The following PHYH variants were observed in gnomAD, a reference collection of about 807,000 sequenced individuals.
PHYH encodes phytanoyl-CoA dioxygenase, peroxisomal.
Under a neutral mutation model 38.5 loss-of-function variants are expected in PHYH, and 32 were observed. That is an observed-to-expected ratio of 0.83 (90% CI 0.63 to 1.12). The LOEUF (loss-of-function observed/expected upper bound fraction) is 1.12. Ranked by LOEUF, PHYH falls within the 50% of genes most tolerant of loss-of-function variation. The pLI is 0.00. For missense variants in PHYH, 426 were observed against 434.8 expected (o/e 0.98, Z 0.18); for synonymous variants, 166 against 157.9 (o/e 1.05, Z -0.38).
chr10:13,292,728 T>C (rs1335894451), intron 4 of PHYH, among the ~76,000 whole-genome samples: 2 of 151,506 alleles, frequency 1.3e-5, no homozygotes, highest in African/African-American at 4.8e-5. Flanking sequence ...AGGTCAGGAG[T>C]TCAAAACCAG....
At chr10:13,299,705 C>A in intron 1 of PHYH, 1 of 1,287,008 alleles carries the variant, frequency 7.8e-7, no homozygotes, top group Non-Finnish European at 9.8e-7. Flanking sequence ...GGAGCAGAGG[C>A]CCCCAGGGAT....
At chr10:13,298,035 C>T (rs376306498) in intron 2 of PHYH, 152 bp downstream of exon 2, 8 of 555,582 alleles carry the variant, frequency 1.4e-5, no homozygotes, top group Admixed American at 3.2e-5. Flanking sequence ...CAAAATTTTC[C>T]ACAAGTGCAC....
chr10:13,288,695 A>C (rs1564424382), intron 5 of PHYH, among the ~76,000 whole-genome samples, 154 bp from the exon 6 acceptor site: 1 of 152,024 alleles, frequency 6.6e-6, no homozygotes, highest in Non-Finnish European at 1.5e-5. Flanking sequence ...CCATCCCGGG[A>C]AACACAGTGA....
At chr10:13,287,428 A>T in intron 6 of PHYH, among the ~76,000 whole-genome samples, 1 of 152,176 alleles carries the variant, frequency 6.6e-6, no homozygotes, top group African/African-American at 2.4e-5. Context: ...CTTCCCCCAA[A>T]TAAACTGCAG....
chr10:13,288,175 A>G (rs1167711953), intron 6 of PHYH, among the ~76,000 whole-genome samples, 185 bp downstream of exon 6: 1 of 152,186 alleles, frequency 6.6e-6, no homozygotes, highest in East Asian at 1.9e-4. Flanking sequence ...AAGTGTTGAA[A>G]ATAGGTGTGA....
intron 7 of PHYH, among the ~76,000 whole-genome samples, chr10:13,282,575 G>C (rs1484211615): frequency 1.6e-5 from 2 of 128,500 alleles, no homozygotes; most frequent in Non-Finnish European, 3.1e-5. Context: ...CTGGGCAACA[G>C]AGTGAGACTC....
intron 3 of PHYH, 200 bp from the exon 4 acceptor site, chr10:13,294,796 AGTTTAGCATACCAGTAGG>A (rs1835802245): frequency 3.3e-6 from 2 of 597,922 alleles, no homozygotes; most frequent in Non-Finnish European, 6.0e-6. Context: ...ATTATTCCCT[AGTTTAGCATACCAGTAGG>A]GAAGTCTTTT....
Position 13,294,277 on chromosome 10 carries a change from G to A in PHYH, c.414+151C>T, listed in dbSNP as rs1835783111. The A allele has an allele frequency of 5.6e-6, 4 of 708,488 alleles. No individual in the cohort carries two copies. In the East Asian group the frequency reaches 1.1e-4, roughly 19 times the overall value. The allele number at this position is 708,488 out of a possible 1,614,324, so 43.9% of individuals were successfully genotyped here. A position where few individuals can be genotyped will look rare whatever the true frequency, so the allele number is the denominator to read the frequency against. On this transcript the variant is annotated intron_variant, in intron 4 of 8. Transcript: ENST00000263038. ...TTCCATATCCAGCTCTAAGAGCAGTGGTTCCTGGGATCAAGCGATCCACCT... is the reference window on the plus strand; with the variant it reads ...TTCCATATCCAGCTCTAAGAGCAGTAGTTCCTGGGATCAAGCGATCCACCT...
intron 7 of PHYH, among the ~76,000 whole-genome samples, chr10:13,283,219 C>G (rs190971324): frequency 2.7e-4 from 41 of 150,874 alleles, no homozygotes; most frequent in African/African-American, 9.3e-4. Context: ...GACTCCACCC[C>G]CTGGGGTTCA....
At chr10:13,287,256 C>A (rs1279862203) in intron 6 of PHYH, among the ~76,000 whole-genome samples, 2 of 152,004 alleles carry the variant, frequency 1.3e-5, no homozygotes, top group South Asian at 4.2e-4. Context: ...GGAGAATCAC[C>A]TGAACCCAGG....
intron 5 of PHYH, 189 bp downstream of exon 5, chr10:13,291,642 A>G: frequency 1.7e-6 from 1 of 586,936 alleles, no homozygotes; most frequent in Non-Finnish European, 3.0e-6. Flanking sequence ...CCATGCCTGG[A>G]TATTTTTAAA....
Position 13,278,312 on chromosome 10 carries a change from T to G in PHYH, c.1006A>C (p.Thr336Pro), listed in dbSNP as rs1272487282. Residue 336 changes from threonine to proline, a missense_variant, in exon 9 of 9, where the codon ACC becomes CCC. Coordinates refer to ENST00000263038, the MANE Select transcript of PHYH (RefSeq NM_006214.4). ...AGCAGATGGCTATTTCAAAGATTGG[T>G]TCTTTCTCCTTTCACAAGTCGAGCT... ...FRARLVKGER[T>P]NL The G allele has an allele frequency of 6.2e-7, 1 of 1,611,366 alleles. No homozygotes were observed. Among genetic ancestry groups the G allele is most frequent in the Non-Finnish European group, 8.5e-7 (1 of 1,177,530 alleles).
At chr10:13,291,786 C>T (rs200058295) in intron 5 of PHYH, 45 bp downstream of exon 5, 658 of 1,331,220 alleles carry the variant, frequency 4.9e-4, no homozygotes, top group Non-Finnish European at 6.6e-4. Flanking sequence ...GCCAACCTTA[C>T]ACATTTTAAT....
Position 13,298,168 on chromosome 10 carries a change from C to G in PHYH, c.134+19G>C, listed in dbSNP as rs2131660947. 1.3e-6 allele frequency: 2 copies of G among 1,541,018 alleles called. No homozygotes were observed. The highest frequency in any genetic ancestry group is 1.1e-5 in the South Asian group (1 of 89,630). ...TTATATACATAATATATTTCAAAAT[C>G]AAAACTCAAACTACTTACTGGAATT... On this transcript the variant is annotated intron_variant, in intron 2 of 8. Coordinates refer to ENST00000263038, the MANE Select transcript of PHYH (RefSeq NM_006214.4).
intron 1 of PHYH, among the ~76,000 whole-genome samples, chr10:13,298,566 T>C (rs1192113268): frequency 1.3e-5 from 2 of 151,952 alleles, no homozygotes; most frequent in African/African-American, 2.4e-5. Flanking sequence ...CCAGGCGTGG[T>C]GGCGTTCATT....
intron 2 of PHYH, among the ~76,000 whole-genome samples, chr10:13,296,564 G>GAAAA (rs1219238482): frequency 1.3e-4 from 9 of 68,270 alleles, no homozygotes; most frequent in Admixed American, 1.6e-4. Context: ...CTCCATCTCA[G>GAAAA]AAAAAAAAAA....
At chr10:13,298,046 T>A (rs918132659) in intron 2 of PHYH, 141 bp downstream of exon 2, 3 of 613,738 alleles carry the variant, frequency 4.9e-6, no homozygotes, top group Admixed American at 2.8e-5. Flanking sequence ...ACAAGTGCAC[T>A]AATTAGAATA....
chr10:13,295,987 G>C (rs567716399), intron 2 of PHYH, among the ~76,000 whole-genome samples: 1 of 151,188 alleles, frequency 6.6e-6, no homozygotes, highest in Non-Finnish European at 1.5e-5. Context: ...GACCAACATG[G>C]TGAAACCCCA....
Position 13,283,717 on chromosome 10 carries a change from AC to A in PHYH, c.800del (p.Gly267ValfsTer26), listed in dbSNP as rs1397686193. ...TCCGGAATCCCTGGGTTTTATTCTG[AC>A]CAGATCCGTGGATGAGCAAAGGATG... ...FFHPLLIHGS[G>X]QNKTQGFRKA... is the part of the protein sequence containing the mutation. On this transcript the variant is annotated frameshift_variant, in exon 7 of 9. Coordinates refer to ENST00000263038, the MANE Select transcript of PHYH (RefSeq NM_006214.4). LOFTEE classifies it high-confidence loss of function. 6.2e-7 allele frequency: 1 copy of A among 1,614,128 alleles called. No individual in the cohort carries two copies. The highest frequency in any genetic ancestry group is 8.5e-7 in the Non-Finnish European group (1 of 1,180,028).
Sources: allele counts gnomAD v4.1 joint callset (sites outside exome capture counted in the v4.1 genomes callset), GRCh38; gene constraint gnomAD v4.1.1; transcripts MANE v1.5; gene names NCBI Gene and HGNC (gene_info 2026-07-23, HGNC 2026-07-21).